NR6A1: variants seen among roughly 807,000 people sequenced by gnomAD.
NR6A1 encodes the protein nuclear receptor subfamily 6 group A member 1.
A neutral mutation model predicts 59.1 loss-of-function variants in NR6A1; 7 were observed. That is an observed-to-expected ratio of 0.12 (90% CI 0.07 to 0.22). The LOEUF is 0.22. Among genes scored for constraint, NR6A1 ranks in the 10% least tolerant of loss-of-function variants. The probability of loss-of-function intolerance (pLI) is 1.00; values close to 1 mark genes in which losing one functional copy is unlikely to be tolerated. For missense variants in NR6A1, 468 were observed against 611.6 expected, an observed-to-expected ratio of 0.77 and a Z score of 2.48; for synonymous variants, 243 against 236.1, an observed-to-expected ratio of 1.03 and a Z score of -0.27.
chr9:124,745,445 G>T (rs986403739), intron 1 of NR6A1, among the ~76,000 whole-genome samples: 1 of 152,166 alleles, frequency 6.6e-6, no homozygotes, highest in Admixed American at 6.5e-5. Context: ...GCTGAGGCGG[G>T]CAGATCACCT....
At chr9:124,615,316 T>C (rs146725162) in intron 2 of NR6A1, among the ~76,000 whole-genome samples, 1 of 152,156 alleles carries the variant, frequency 6.6e-6, no homozygotes, top group Non-Finnish European at 1.5e-5. Flanking sequence ...AGCAAAATGA[T>C]AATAGGCCTC....
At chr9:124,562,598 G>GT (rs1186846532) in intron 2 of NR6A1, among the ~76,000 whole-genome samples, 3 of 151,992 alleles carry the variant, frequency 2.0e-5, no homozygotes, top group Non-Finnish European at 4.4e-5. Flanking sequence ...CCTGGCAAGA[G>GT]TTTTTTGTTT....
intron 2 of NR6A1, among the ~76,000 whole-genome samples, chr9:124,726,114 C>T (rs1322668326): frequency 6.6e-6 from 1 of 152,076 alleles, no homozygotes; most frequent in African/African-American, 2.4e-5. Context: ...GGAAATCAGG[C>T]CAAGTATAGC....
At chr9:124,763,116 CATTTT>C (rs1443491247) in intron 1 of NR6A1, among the ~76,000 whole-genome samples, 1 of 152,196 alleles carries the variant, frequency 6.6e-6, no homozygotes, top group Non-Finnish European at 1.5e-5. Flanking sequence ...TTAAAACAAC[CATTTT>C]AGTTTGCACC....
chr9:124,581,847 G>A (rs879677418), intron 2 of NR6A1, among the ~76,000 whole-genome samples: 2 of 152,148 alleles, frequency 1.3e-5, no homozygotes, highest in Non-Finnish European at 2.9e-5. Context: ...GATCATTAGA[G>A]CAATGCAAAT....
chr9:124,702,806 C>T (rs867210470), intron 2 of NR6A1, among the ~76,000 whole-genome samples: 12 of 152,144 alleles, frequency 7.9e-5, no homozygotes, highest in South Asian at 4.2e-4. Flanking sequence ...TCTCCAGAAC[C>T]GTAAGTCAAA....
chr9:124,631,676 G>C (rs868383809), intron 2 of NR6A1, among the ~76,000 whole-genome samples: 1 of 151,582 alleles, frequency 6.6e-6, no homozygotes, highest in Admixed American at 6.6e-5. Flanking sequence ...TAACTTTTAA[G>C]TTCAGGGGTA....
At chr9:124,548,758 T>C (rs1180292915) in intron 3 of NR6A1, among the ~76,000 whole-genome samples, 2 of 152,236 alleles carry the variant, frequency 1.3e-5, no homozygotes, top group African/African-American at 4.8e-5. Flanking sequence ...TTGACCTTTA[T>C]ACTTTTGAAC....
In NR6A1 at chr9:124,733,248, A is replaced by G. The variant is rs1229876341; in HGVS notation, c.142+60T>C. The G allele has an allele frequency of 8.1e-6, 10 of 1,228,480 alleles. No homozygotes were observed. The East Asian group carries it at 1.9e-4, about 23-fold the overall frequency. The allele number at this position is 1,228,480 out of a possible 1,614,324, so 76.1% of individuals were successfully genotyped here. ...CAATGACACCTTAAGTTATTCACTT[A>G]AAAGTGTACACACACATCCTTTTCT... is the stretch of plus-strand genomic sequence containing the variant. On this transcript the variant is annotated intron_variant, in intron 2 of 9. Transcript: ENST00000487099.
At chr9:124,605,816 A>G (rs750632851) in intron 2 of NR6A1, among the ~76,000 whole-genome samples, 1 of 152,198 alleles carries the variant, frequency 6.6e-6, no homozygotes, top group Non-Finnish European at 1.5e-5. Context: ...TTTTTGTTTT[A>G]TAAAAATTAA....
intron 2 of NR6A1, among the ~76,000 whole-genome samples, chr9:124,653,579 TTA>T: frequency 6.6e-6 from 1 of 152,186 alleles, no homozygotes; most frequent in South Asian, 2.1e-4. Context: ...CCAGGCAAAT[TTA>T]TTTTTTGTAG....
In NR6A1 at chr9:124,757,461, CAA is replaced by C. The variant is rs34265467; in HGVS notation, c.100+13557_100+13558del. On this transcript the variant is annotated intron_variant, in intron 1 of 9. Coordinates refer to ENST00000487099, the MANE Select transcript of NR6A1 (RefSeq NM_033334.4). ...TATATACTGTATGACTAAAAAAATG[CAA>C]AAAAAAAAAAAAAACCTTGGATTTG... Among the ~76,000 whole-genome samples the C allele has an allele frequency of 4.5e-4, 50 of 110,446 alleles. No homozygotes were observed. The South Asian group carries it at 6.9e-3, about 15-fold the overall frequency. 72.5% of individuals were successfully genotyped at this position (110,446 alleles called of 152,430 possible).
intron 1 of NR6A1, among the ~76,000 whole-genome samples, chr9:124,766,826 T>C (rs1840948307): frequency 6.6e-6 from 1 of 152,196 alleles, no homozygotes; most frequent in South Asian, 2.1e-4. Flanking sequence ...AAGCTAGAAG[T>C]TGCCATCTGA....
At chr9:124,741,563 A>G (rs1032847324) in intron 1 of NR6A1, among the ~76,000 whole-genome samples, 2 of 152,248 alleles carry the variant, frequency 1.3e-5, no homozygotes, top group Admixed American at 1.3e-4. Flanking sequence ...AATGCCACTA[A>G]GTTGTACACT....
intron 2 of NR6A1, among the ~76,000 whole-genome samples, chr9:124,731,763 G>T (rs1839889529): frequency 6.6e-6 from 1 of 152,020 alleles, no homozygotes; most frequent in Non-Finnish European, 1.5e-5. Context: ...GTACTTTATT[G>T]TAACAATATA....
chr9:124,565,058 A>T (rs1197000351), intron 2 of NR6A1, among the ~76,000 whole-genome samples: 1 of 152,210 alleles, frequency 6.6e-6, no homozygotes, highest in African/African-American at 2.4e-5. Flanking sequence ...CAAATATCAA[A>T]GGCAAAATAA....
At chr9:124,616,273 A>G (rs1173044865) in intron 2 of NR6A1, among the ~76,000 whole-genome samples, 1 of 151,724 alleles carries the variant, frequency 6.6e-6, no homozygotes, top group East Asian at 2.0e-4. Flanking sequence ...ATGGTGGCGC[A>G]TGCCTGTAAT....
rs114351441 is a variant in NR6A1 at position 124,565,146 on chromosome 9, A to C, written c.143-10576T>G. Among the ~76,000 whole-genome samples the C allele has an allele frequency of 6.2e-3, 939 of 152,262 alleles. 2 individuals carry two copies. The highest frequency in any genetic ancestry group is 0.02 in the African/African-American group (833 of 41,572). ...AAGAGATTTTAAAAAAGAAGTCAGA[A>C]GGCCAGGTGTGGAGGCTCACACCTG... is the stretch of plus-strand genomic sequence containing the variant. On this transcript the variant is annotated intron_variant, in intron 2 of 9. Coordinates refer to ENST00000487099, the MANE Select transcript of NR6A1 (RefSeq NM_033334.4).
In NR6A1 at chr9:124,540,072, T is replaced by G; in HGVS notation, c.557A>C (p.Glu186Ala). The G allele has an allele frequency of 6.2e-7, 1 of 1,613,226 alleles. No individual in the cohort carries two copies. Among genetic ancestry groups the G allele is most frequent in the South Asian group, 1.1e-5 (1 of 90,762 alleles). Residue 186 changes from glutamate to alanine, a missense_variant, in exon 5 of 10, where the codon GAG (glutamate) becomes GCG (alanine). Coordinates refer to ENST00000487099, the MANE Select transcript of NR6A1 (RefSeq NM_033334.4). ...GGAGCCTGGTGAGGGCTGGTTGCTC[T>G]CCGAAGCCCTGTTCCCAGGGGAACT... The part of the protein sequence containing the change: ...DHSSPGNRAS[E>A]SNQPSPGSTL...
Sources: allele counts gnomAD v4.1 joint callset (sites outside exome capture counted in the v4.1 genomes callset), GRCh38; gene constraint gnomAD v4.1.1; transcripts MANE v1.5; gene names NCBI Gene and HGNC (gene_info 2026-07-23, HGNC 2026-07-21).